The following DPYD variants were observed in gnomAD, a reference collection of about 807,000 sequenced individuals.
DPYD encodes dihydropyrimidine dehydrogenase, also known as dihydropyrimidine dehydrogenase [NADP(+)].
DPYD carries 109 observed loss-of-function variants against 116.2 expected under a neutral mutation model. The observed-to-expected ratio is 0.94, with a 90% CI of 0.80 to 1.10. DPYD has a LOEUF of 1.10. Among genes scored for constraint, DPYD ranks in the 50% least tolerant of loss-of-function variants. The pLI, the probability that DPYD is intolerant of heterozygous loss-of-function variation, is 0.00. For synonymous variants in DPYD, 440 were observed against 432.0 expected (o/e 1.02, Z -0.23); for missense variants, 1,302 against 1,254.5 (o/e 1.04, Z -0.57).
chr1:97,128,514 A>G (rs1443317060), intron 20 of DPYD, among the ~76,000 whole-genome samples: 1 of 152,194 alleles, frequency 6.6e-6, no homozygotes, highest in African/African-American at 2.4e-5. Context: ...GTATACCCTT[A>G]TAATACTTTC....
At chr1:97,486,402 C>T (rs1446021101) in intron 13 of DPYD, among the ~76,000 whole-genome samples, 1 of 152,090 alleles carries the variant, frequency 6.6e-6, no homozygotes, top group East Asian at 1.9e-4. Context: ...AAGTTGGGGC[C>T]TCCAAAACTT....
Position 97,291,912 on chromosome 1 carries a change from G to T in DPYD, c.2299+13347C>A. ...AATTACTAGTACTAGAATGATCACT[G>T]ACTAAATTTAACCTACCAAAGATAT... is the stretch of plus-strand genomic sequence containing the variant. On this transcript the variant is annotated intron_variant, in intron 18 of 22. Coordinates refer to ENST00000370192, the MANE Select transcript of DPYD (RefSeq NM_000110.4). Among the ~76,000 whole-genome samples the T allele has an allele frequency of 1.3e-5, 2 of 151,886 alleles. 1 individual carries two copies. The highest frequency in any genetic ancestry group is 3.9e-4 in the East Asian group (2 of 5,184).
intron 20 of DPYD, among the ~76,000 whole-genome samples, chr1:97,111,761 C>T (rs1400677840): frequency 6.6e-6 from 1 of 152,042 alleles, no homozygotes; most frequent in East Asian, 1.9e-4. Context: ...CAATGCCTGG[C>T]TCATTGCACA....
intron 5 of DPYD, among the ~76,000 whole-genome samples, chr1:97,709,720 T>C (rs1038791290): frequency 1.3e-5 from 2 of 151,910 alleles, no homozygotes; most frequent in African/African-American, 4.8e-5. Flanking sequence ...CTAATCATTA[T>C]ATAGTGTTCT....
chr1:97,772,810 T>C (rs1031321859), intron 3 of DPYD, among the ~76,000 whole-genome samples: 1 of 152,198 alleles, frequency 6.6e-6, no homozygotes, highest in Non-Finnish European at 1.5e-5. Context: ...CTAGTTTGAT[T>C]GAAGGCATAC....
chr1:97,223,536 G>A (rs934527847), intron 19 of DPYD, among the ~76,000 whole-genome samples: 1 of 149,104 alleles, frequency 6.7e-6, no homozygotes, highest in Non-Finnish European at 1.5e-5. Flanking sequence ...TGTAATGGCA[G>A]TATCATTAAA....
chr1:97,386,067 T>C (rs1204254781), intron 14 of DPYD, among the ~76,000 whole-genome samples: 3 of 151,900 alleles, frequency 2.0e-5, no homozygotes, highest in Non-Finnish European at 4.4e-5. Flanking sequence ...TGGGGAGGGG[T>C]GACCACAGAT....
chr1:97,441,967 T>C (rs552251047), intron 14 of DPYD, among the ~76,000 whole-genome samples: 1 of 152,294 alleles, frequency 6.6e-6, no homozygotes, highest in South Asian at 2.1e-4. Flanking sequence ...TCAATGCTTG[T>C]GGTCATAGAG....
At chr1:97,757,452 T>C (rs1012280324) in intron 3 of DPYD, among the ~76,000 whole-genome samples, 20 of 152,084 alleles carry the variant, frequency 1.3e-4, no homozygotes, top group African/African-American at 4.8e-4. Context: ...GGGAGGCTGA[T>C]GAGGGCAAGG....
At chr1:97,788,580 G>A (rs1438944747) in intron 3 of DPYD, among the ~76,000 whole-genome samples, 1 of 152,258 alleles carries the variant, frequency 6.6e-6, no homozygotes, top group East Asian at 1.9e-4. Context: ...ATTATAAGTT[G>A]TTATTGCATT....
At chr1:97,768,136 G>A (rs1434178005) in intron 3 of DPYD, among the ~76,000 whole-genome samples, 2 of 152,128 alleles carry the variant, frequency 1.3e-5, no homozygotes, top group African/African-American at 4.8e-5. Context: ...TCATAAATAT[G>A]TACATGTATC....
At chr1:97,511,587 C>A (rs1177624653) in intron 13 of DPYD, among the ~76,000 whole-genome samples, 2 of 151,688 alleles carry the variant, frequency 1.3e-5, no homozygotes, top group African/African-American at 4.8e-5. Context: ...TATCAGAGGG[C>A]AGAACTATAT....
In DPYD at chr1:97,253,898, T is replaced by C. The variant is rs536185053; in HGVS notation, c.2300-18904A>G. On this transcript the variant is annotated intron_variant, in intron 18 of 22. Transcript: ENST00000370192. The stretch of plus-strand genomic sequence containing the variant: ...AAACAAGGACACAAACTTGTGAATA[T>C]TGAAAATAATTCTTAAAAATATAAC... 9.2e-5 allele frequency among the ~76,000 whole-genome samples: 14 copies of C among 152,274 alleles called. No homozygotes were observed. The South Asian group carries it at 2.7e-3, about 29-fold the overall frequency.
chr1:97,919,524 G>A (rs1020698096), intron 1 of DPYD, among the ~76,000 whole-genome samples: 1 of 152,142 alleles, frequency 6.6e-6, no homozygotes, highest in Non-Finnish European at 1.5e-5. Context: ...AGTCAACTCC[G>A]ATATCTTAAA....
Position 97,691,704 on chromosome 1 carries a change from T to C in DPYD, c.762+13A>G. 2 of 1,611,322 alleles carry C rather than the reference T, an allele frequency of 1.2e-6. No individual in the cohort carries two copies. Among genetic ancestry groups the C allele is most frequent in the South Asian group, 2.2e-5 (2 of 91,024 alleles). On this transcript the variant is annotated intron_variant, in intron 7 of 22. Coordinates refer to ENST00000370192, the MANE Select transcript of DPYD (RefSeq NM_000110.4). Reference sequence around the variant, plus strand: ...TTTTGAGCAGTACACAGATAGGTGTTTTTTTCATTTACCTTTACACCAAGG... The same window carrying C: ...TTTTGAGCAGTACACAGATAGGTGTCTTTTTCATTTACCTTTACACCAAGG...
chr1:97,269,574 C>T (rs1476032092), intron 18 of DPYD, among the ~76,000 whole-genome samples: 2 of 152,072 alleles, frequency 1.3e-5, no homozygotes, highest in East Asian at 3.9e-4. Context: ...AGATTTATTT[C>T]TTATAGTTCC....
chr1:97,431,693 T>C (rs12126921), intron 14 of DPYD, among the ~76,000 whole-genome samples: 62,979 of 151,946 alleles, frequency 0.41, 13,404 homozygotes, highest in Middle Eastern at 0.55. Context: ...ATTTATCATT[T>C]CTTTGTATTA....
intron 18 of DPYD, among the ~76,000 whole-genome samples, chr1:97,259,888 A>G (rs540976185): frequency 6.6e-6 from 1 of 152,264 alleles, no homozygotes; most frequent in East Asian, 1.9e-4. Context: ...ACATCTCTTT[A>G]CATATATACA....
At chr1:97,871,267 T>G (rs11165922) in intron 2 of DPYD, among the ~76,000 whole-genome samples, 69,810 of 151,704 alleles carry the variant, frequency 0.46, 18,834 homozygotes, top group East Asian at 0.64. Context: ...ATTTTCTGTG[T>G]AAACAAATTC....
Sources: allele counts gnomAD v4.1 joint callset (sites outside exome capture counted in the v4.1 genomes callset), GRCh38; gene constraint gnomAD v4.1.1; transcripts MANE v1.5; gene names NCBI Gene and HGNC (gene_info 2026-07-23, HGNC 2026-07-21).